Variants in PDE11A observed in about 807,000 individuals in gnomAD.
PDE11A encodes the protein phosphodiesterase 11A.
PDE11A carries 100 observed loss-of-function variants against 100.5 expected under a neutral mutation model. That is an observed-to-expected ratio of 1.00 (90% CI 0.85 to 1.18). PDE11A has a LOEUF of 1.18. Among genes scored for constraint, PDE11A ranks in the 50% most tolerant of loss-of-function variants. The pLI, the probability that PDE11A is intolerant of heterozygous loss-of-function variation, is 0.00. For missense variants in PDE11A, 1,141 were observed against 1,152.6 expected, an observed-to-expected ratio of 0.99 and a Z score of 0.15; for synonymous variants, 381 against 420.8, an observed-to-expected ratio of 0.91 and a Z score of 1.16.
chr2:177,891,444 G>T, intron 4 of PDE11A, among the ~76,000 whole-genome samples: 1 of 152,306 alleles, frequency 6.6e-6, no homozygotes, highest in Non-Finnish European at 1.5e-5. Context: ...TCTGATGGCT[G>T]AAAAAATCAT....
intron 16 of PDE11A, among the ~76,000 whole-genome samples, chr2:177,678,555 A>G (rs1420198984): frequency 6.6e-6 from 1 of 152,204 alleles, no homozygotes; most frequent in African/African-American, 2.4e-5. Flanking sequence ...TGGTGGTAAT[A>G]AAAAGCAGAC....
chr2:178,063,745 T>C (rs374563648), intron 1 of PDE11A, among the ~76,000 whole-genome samples: 25 of 152,278 alleles, frequency 1.6e-4, no homozygotes, highest in African/African-American at 6.0e-4. Context: ...GATTTATATA[T>C]CAGAGGTACC....
At chr2:177,658,160 T>C (rs899126618) in intron 19 of PDE11A, among the ~76,000 whole-genome samples, 5 of 152,164 alleles carry the variant, frequency 3.3e-5, no homozygotes, top group Non-Finnish European at 5.9e-5. Flanking sequence ...ACAGGCAAGA[T>C]GTGTACCAGG....
intron 15 of PDE11A, among the ~76,000 whole-genome samples, chr2:177,692,899 G>C (rs2081061066): frequency 1.3e-5 from 2 of 152,018 alleles, no homozygotes; most frequent in African/African-American, 4.8e-5. Flanking sequence ...TTTCCTTTTA[G>C]AGCATGGCAA....
intron 15 of PDE11A, 116 bp downstream of exon 15, chr2:177,697,216 G>A: frequency 1.4e-6 from 1 of 703,712 alleles, no homozygotes; most frequent in South Asian, 1.5e-5. Context: ...AAAAAGTTTA[G>A]CTGGTTTACA....
intron 5 of PDE11A, among the ~76,000 whole-genome samples, chr2:177,845,161 C>CT (rs2083563294): frequency 6.9e-6 from 1 of 144,106 alleles, no homozygotes; most frequent in Non-Finnish European, 1.5e-5. Flanking sequence ...GCTGGCCGGG[C>CT]GGGGGGCTGA....
At chr2:177,990,734 T>TAAGTATCCGC (rs1298519327) in intron 2 of PDE11A, among the ~76,000 whole-genome samples, 47 of 132,524 alleles carry the variant, frequency 3.5e-4, no homozygotes, top group Middle Eastern at 5.4e-3. Context: ...CGAGACTCTG[T>TAAGTATCCGC]CTCAAAAAAA....
intron 2 of PDE11A, among the ~76,000 whole-genome samples, chr2:178,083,763 T>C (rs1371773905): frequency 6.6e-6 from 1 of 152,262 alleles, no homozygotes; most frequent in African/African-American, 2.4e-5. Context: ...TTTCATAAAA[T>C]AATATGAAAT....
chr2:177,641,751 C>A (rs968976039), intron 19 of PDE11A, among the ~76,000 whole-genome samples: 16 of 152,162 alleles, frequency 1.1e-4, no homozygotes, highest in African/African-American at 3.9e-4. Flanking sequence ...ACTTCCTTGG[C>A]TGTTTTTAAG....
rs558879980 is a variant in PDE11A at position 177,716,806 on chromosome 2, A to C, written c.2044-4928T>G. Reference sequence around the variant, plus strand: ...TTAGAGATAATGTTAAAATAAGGTAATTTGACTAGAAATTTAATCAGTAGT... The same window carrying C: ...TTAGAGATAATGTTAAAATAAGGTACTTTGACTAGAAATTTAATCAGTAGT... On this transcript the variant is annotated intron_variant, in intron 12 of 19. Transcript: ENST00000286063. Among the ~76,000 whole-genome samples the C allele has an allele frequency of 1.4e-4, 22 of 152,352 alleles. No homozygotes were observed. The East Asian group carries it at 3.7e-3, about 25-fold the overall frequency.
In PDE11A at chr2:177,727,785, G is replaced by A. The variant is rs2081621747; in HGVS notation, c.1936-20C>T. ...CAGTGTCTGAAATGGGAGGGAGAGGGTGCGTCAGGCAGTTGTAAGTGATTC... is the reference window on the plus strand; with the variant it reads ...CAGTGTCTGAAATGGGAGGGAGAGGATGCGTCAGGCAGTTGTAAGTGATTC... On this transcript the variant is annotated intron_variant, in intron 11 of 19. Transcript: ENST00000286063. 7.0e-7 allele frequency: 1 copy of A among 1,427,038 alleles called. No individual in the cohort carries two copies. The highest frequency in any genetic ancestry group is 9.9e-7 in the Non-Finnish European group (1 of 1,009,410). The allele number at this position is 1,427,038 out of a possible 1,614,324, so 88.4% of individuals were successfully genotyped here.
intron 2 of PDE11A, among the ~76,000 whole-genome samples, chr2:177,992,920 G>A (rs748832187): frequency 7.3e-5 from 11 of 151,574 alleles, no homozygotes; most frequent in Middle Eastern, 3.4e-3. Flanking sequence ...TTTTTTTCTC[G>A]TTTTTTCTTA....
intron 1 of PDE11A, among the ~76,000 whole-genome samples, chr2:178,061,131 G>A (rs1011130912): frequency 6.6e-6 from 1 of 151,664 alleles, no homozygotes; most frequent in Non-Finnish European, 1.5e-5. Context: ...TTTTAGTAGA[G>A]GCGAAGTTTC....
chr2:177,764,065 AT>A (rs369293099), intron 10 of PDE11A, among the ~76,000 whole-genome samples: 2 of 151,956 alleles, frequency 1.3e-5, no homozygotes, highest in East Asian at 3.9e-4. Flanking sequence ...ATCAAATCTA[AT>A]TTTTTTTAAG....
intron 12 of PDE11A, among the ~76,000 whole-genome samples, chr2:177,725,596 T>C (rs974153796): frequency 4.6e-5 from 7 of 152,126 alleles, no homozygotes; most frequent in African/African-American, 1.4e-4. Flanking sequence ...CTCTTCAAGA[T>C]TGCTGAGCAT....
At chr2:178,050,763 G>A (rs1418720815) in intron 1 of PDE11A, among the ~76,000 whole-genome samples, 1 of 152,216 alleles carries the variant, frequency 6.6e-6, no homozygotes, top group Non-Finnish European at 1.5e-5. Flanking sequence ...ATCAGTGATT[G>A]AAGATCAAAT....
chr2:177,847,654 T>C (rs2083622852), intron 5 of PDE11A, among the ~76,000 whole-genome samples: 1 of 152,206 alleles, frequency 6.6e-6, no homozygotes. Flanking sequence ...TGTTAAAGCC[T>C]ACTGCTTAGA....
At chr2:177,733,342 T>C (rs1382587089) in intron 10 of PDE11A, among the ~76,000 whole-genome samples, 2 of 152,212 alleles carry the variant, frequency 1.3e-5, no homozygotes, top group Admixed American at 6.5e-5. Flanking sequence ...TGGAGCTAAT[T>C]TGAATAATGT....
At chr2:177,902,971 A>G (rs2084721733) in intron 3 of PDE11A, among the ~76,000 whole-genome samples, 1 of 152,170 alleles carries the variant, frequency 6.6e-6, no homozygotes, top group Non-Finnish European at 1.5e-5. Flanking sequence ...GGCCAGAGTG[A>G]ACTCTATTAA....
Sources: allele counts gnomAD v4.1 joint callset (sites outside exome capture counted in the v4.1 genomes callset), GRCh38; gene constraint gnomAD v4.1.1; transcripts MANE v1.5; gene names NCBI Gene and HGNC (gene_info 2026-07-23, HGNC 2026-07-21).